The following CADM2 variants were observed in gnomAD, a reference collection of about 807,000 sequenced individuals.
CADM2 encodes cell adhesion molecule 2, also known as immunoglobulin superfamily member 4D.
CADM2 carries 12 observed loss-of-function variants against 49.8 expected under a neutral mutation model. That is an observed-to-expected ratio of 0.24 (90% confidence interval 0.15 to 0.39). CADM2 has a LOEUF of 0.39. Among genes scored for constraint, CADM2 ranks in the 10% least tolerant of loss-of-function variants. CADM2 has a pLI of 1.00. For synonymous variants in CADM2, 214 were observed against 175.4 expected, an observed-to-expected ratio of 1.22 and a Z score of -1.74; for missense variants, 378 against 492.3, an observed-to-expected ratio of 0.77 and a Z score of 2.20.
intron 1 of CADM2, among the ~76,000 whole-genome samples, chr3:85,525,897 T>C (rs2061149533): frequency 6.6e-6 from 1 of 152,180 alleles, no homozygotes; most frequent in African/African-American, 2.4e-5. Flanking sequence ...CCACTTAATA[T>C]AAAGAAAAAT....
chr3:85,953,396 T>G (rs1285979139), intron 7 of CADM2, among the ~76,000 whole-genome samples: 1 of 150,990 alleles, frequency 6.6e-6, no homozygotes, highest in African/African-American at 2.4e-5. Context: ...TTTCCTGACA[T>G]TCCCAATATT....
At chr3:85,839,673 C>T (rs1411982019) in intron 3 of CADM2, among the ~76,000 whole-genome samples, 1 of 151,730 alleles carries the variant, frequency 6.6e-6, no homozygotes, top group East Asian at 1.9e-4. Context: ...AGTCATATCT[C>T]ATAATTGCAA....
intron 1 of CADM2, among the ~76,000 whole-genome samples, chr3:85,173,197 A>G (rs764789472): frequency 6.6e-6 from 1 of 151,586 alleles, no homozygotes; most frequent in Non-Finnish European, 1.5e-5. Context: ...ATATAAATAT[A>G]GATAGATATG....
chr3:85,911,067 G>A (rs997593982), intron 5 of CADM2, among the ~76,000 whole-genome samples: 2 of 151,910 alleles, frequency 1.3e-5, no homozygotes, highest in Non-Finnish European at 2.9e-5. Flanking sequence ...CTTAATATAA[G>A]TTAAAATCAA....
At chr3:85,283,312 G>A (rs1295785595) in intron 1 of CADM2, among the ~76,000 whole-genome samples, 3 of 151,586 alleles carry the variant, frequency 2.0e-5, no homozygotes, top group Non-Finnish European at 2.9e-5. Flanking sequence ...AATTTAGAAA[G>A]TTAAAATATT....
chr3:86,067,130 AT>A lies in CADM2; in HGVS notation c.*353del, dbSNP rs1294123052. The A allele has an allele frequency of 3.2e-5, 6 of 187,606 alleles. No individual in the cohort carries two copies. The highest frequency in any genetic ancestry group is 4.7e-5 in the African/African-American group (2 of 42,156). 11.6% of individuals were successfully genotyped at this position (187,606 alleles called of 1,614,324 possible). ...AATGTATGCAGAGTTTTTTTCCCCCATTTTTTCCCCTTTAAGTCATAGACCT... is the reference window on the plus strand; with the variant it reads ...AATGTATGCAGAGTTTTTTTCCCCCATTTTTCCCCTTTAAGTCATAGACCT... On this transcript the variant is annotated 3_prime_UTR_variant, in exon 10 of 10. Coordinates refer to ENST00000383699, the MANE Select transcript of CADM2 (RefSeq NM_001167675.2).
chr3:85,893,384 A>G (rs1714742268), intron 5 of CADM2, among the ~76,000 whole-genome samples: 1 of 152,256 alleles, frequency 6.6e-6, no homozygotes, highest in African/African-American at 2.4e-5. Context: ...ACCTAAAACC[A>G]TAAAAACCCT....
At chr3:85,803,015 ATC>A (rs2072152335) in intron 3 of CADM2, among the ~76,000 whole-genome samples, 1 of 152,042 alleles carries the variant, frequency 6.6e-6, no homozygotes, top group Admixed American at 6.6e-5. Context: ...TTTTTAATGA[ATC>A]TGTATAGGTA....
chr3:85,753,626 G>A (rs2068967007), intron 2 of CADM2, among the ~76,000 whole-genome samples: 1 of 152,152 alleles, frequency 6.6e-6, no homozygotes, highest in Non-Finnish European at 1.5e-5. Context: ...CTCTTCATGG[G>A]AGGTGATCTG....
chr3:85,460,485 T>C (rs2038195071), intron 1 of CADM2, among the ~76,000 whole-genome samples: 1 of 152,020 alleles, frequency 6.6e-6, no homozygotes, highest in African/African-American at 2.4e-5. Flanking sequence ...GTAACTGAAG[T>C]TTTAGAATGC....
intron 8 of CADM2, among the ~76,000 whole-genome samples, chr3:85,991,799 A>G (rs1419011796): frequency 6.6e-6 from 1 of 152,130 alleles, no homozygotes; most frequent in Non-Finnish European, 1.5e-5. Flanking sequence ...ATATTAATTG[A>G]TACCATTTTC....
chr3:85,886,726 G>A (rs188902181), intron 5 of CADM2, among the ~76,000 whole-genome samples: 4 of 152,086 alleles, frequency 2.6e-5, no homozygotes, highest in South Asian at 2.1e-4. Flanking sequence ...ACTTAGTTTC[G>A]GGAATTATAG....
At chr3:85,423,958 C>T (rs899422740) in intron 1 of CADM2, among the ~76,000 whole-genome samples, 3 of 152,168 alleles carry the variant, frequency 2.0e-5, no homozygotes, top group Admixed American at 2.0e-4. Context: ...CTTGAATCCT[C>T]TTTCAACCTC....
At chr3:85,307,027 A>C (rs868351302) in intron 1 of CADM2, among the ~76,000 whole-genome samples, 1 of 151,746 alleles carries the variant, frequency 6.6e-6, no homozygotes, top group Middle Eastern at 3.4e-3. Flanking sequence ...AACTTCTTAT[A>C]AATGGATGCA....
intron 6 of CADM2, among the ~76,000 whole-genome samples, chr3:85,919,256 A>G (rs1253643523): frequency 1.3e-5 from 2 of 152,032 alleles, no homozygotes; most frequent in Non-Finnish European, 2.9e-5. Context: ...CTTTGCCTAT[A>G]AAAATGAGTA....
In CADM2 at chr3:85,217,431, CCA is replaced by C. The variant is rs879655340; in HGVS notation, c.61+257772_61+257773del. 1.2e-3 allele frequency among the ~76,000 whole-genome samples: 176 copies of C among 151,898 alleles called. 4 individuals carry two copies. The Middle Eastern group carries it at 0.035, about 31-fold the overall frequency. ...CTTTAGCATTTATATGTATTTTAAT[CCA>C]CACACACATTATGTTGCATCTAATT... On this transcript the variant is annotated intron_variant, in intron 1 of 9. Transcript: ENST00000383699.
intron 8 of CADM2, among the ~76,000 whole-genome samples, chr3:85,970,232 T>C (rs1725954202): frequency 6.6e-6 from 1 of 151,458 alleles, no homozygotes; most frequent in Non-Finnish European, 1.5e-5. Context: ...ATTAAAGAGT[T>C]ATGCAATTGA....
At chr3:85,657,423 G>C (rs2065235731) in intron 1 of CADM2, among the ~76,000 whole-genome samples, 1 of 151,882 alleles carries the variant, frequency 6.6e-6, no homozygotes, top group African/African-American at 2.4e-5. Context: ...AATATTCATT[G>C]ATCTTCTAGT....
intron 1 of CADM2, among the ~76,000 whole-genome samples, chr3:85,208,240 TA>T (rs563885048): frequency 8.8e-4 from 134 of 152,286 alleles, no homozygotes; most frequent in African/African-American, 3.1e-3. Flanking sequence ...AACCCAAATT[TA>T]ATTTGAAGAT....
Sources: allele counts gnomAD v4.1 joint callset (sites outside exome capture counted in the v4.1 genomes callset), GRCh38; gene constraint gnomAD v4.1.1; transcripts MANE v1.5; gene names NCBI Gene and HGNC (gene_info 2026-07-23, HGNC 2026-07-21).